The following B3GAT2 variants were observed in gnomAD, a reference collection of about 807,000 sequenced individuals.
B3GAT2 encodes the protein beta-1,3-glucuronyltransferase 2, also known as galactosylgalactosylxylosylprotein 3-beta-glucuronosyltransferase 2.
Under a neutral mutation model 27.8 loss-of-function variants are expected in B3GAT2, and 26 were observed. The observed-to-expected ratio is 0.93, with a 90% CI of 0.68 to 1.30. The LOEUF is 1.30. B3GAT2 is among the 50% of genes most tolerant of loss of function. The pLI is 0.00. For synonymous variants in B3GAT2, 218 were observed against 195.1 expected (o/e 1.12, Z -0.98); for missense variants, 458 against 459.0 (o/e 1.00, Z 0.02).
intron 1 of B3GAT2, among the ~76,000 whole-genome samples, chr6:70,933,776 G>A (rs949675630): frequency 2.0e-5 from 3 of 152,208 alleles, no homozygotes; most frequent in Non-Finnish European, 4.4e-5. Context: ...TACAGCCACA[G>A]TAGCTAGGTG....
chr6:70,885,300 TCA>T (rs1325178160), intron 2 of B3GAT2, among the ~76,000 whole-genome samples: 4 of 152,288 alleles, frequency 2.6e-5, no homozygotes, highest in African/African-American at 9.6e-5. Context: ...CAAGCGGCAC[TCA>T]CATGGCACCA....
rs1452014553 is a variant in B3GAT2 at position 70,860,229 on chromosome 6, C to T, written c.*1434G>A. 2 of 1,612,738 alleles carry T rather than the reference C, an allele frequency of 1.2e-6. No homozygotes were observed. Among genetic ancestry groups the T allele is most frequent in the African/African-American group, 1.3e-5 (1 of 74,854 alleles). On this transcript the variant is annotated 3_prime_UTR_variant, in exon 4 of 4. Transcript: ENST00000230053. ...ATCAGCAGATGGCTGGCATGAGTATCAGTAGTGCAACCCCTACTGCAGGTT... is the reference window on the plus strand; with the variant it reads ...ATCAGCAGATGGCTGGCATGAGTATTAGTAGTGCAACCCCTACTGCAGGTT...
At chr6:70,917,591 G>A (rs940285629) in intron 1 of B3GAT2, among the ~76,000 whole-genome samples, 6 of 152,092 alleles carry the variant, frequency 3.9e-5, no homozygotes, top group African/African-American at 7.2e-5. Flanking sequence ...ATTCTTGAAC[G>A]TTGTATCTTT....
At chr6:70,879,896 C>T (rs887918567) in intron 2 of B3GAT2, among the ~76,000 whole-genome samples, 12 of 152,002 alleles carry the variant, frequency 7.9e-5, no homozygotes, top group Non-Finnish European at 1.3e-4. Flanking sequence ...GAGCGAGGCT[C>T]GGGGGTGGGG....
chr6:70,907,322 T>C (rs1032685431), intron 1 of B3GAT2, among the ~76,000 whole-genome samples: 1 of 152,148 alleles, frequency 6.6e-6, no homozygotes, highest in Non-Finnish European at 1.5e-5. Context: ...CACATTGCCA[T>C]GTCTGGTTGT....
Position 70,956,057 on chromosome 6 carries a change from G to T in B3GAT2, c.373C>A (p.Leu125Met). 6.3e-7 allele frequency: 1 copy of T among 1,585,508 alleles called. No individual in the cohort carries two copies. Among genetic ancestry groups the T allele is most frequent in the Non-Finnish European group, 8.5e-7 (1 of 1,170,898 alleles). The change falls in exon 1 of 4, where the codon CTG becomes ATG. Residue 125 changes from leucine (L) to methionine (M), a missense_variant. Physicochemically the swap from Leu to Met is conservative, Grantham distance 15 (BLOSUM62 2). Transcript: ENST00000230053. ...GCCCGCGCCAGGAAGCGGCTCACCAGCTCGCTGCGCGCCGCCGCGTCCTCC... is the reference window on the plus strand; with the variant it reads ...GCCCGCGCCAGGAAGCGGCTCACCATCTCGCTGCGCGCCGCCGCGTCCTCC... ...LVEDAAARSE[L>M]VSRFLARAGL... is the part of the protein sequence containing the mutation.
intron 1 of B3GAT2, among the ~76,000 whole-genome samples, chr6:70,922,984 T>C (rs565255890): frequency 6.6e-6 from 1 of 152,306 alleles, no homozygotes; most frequent in South Asian, 2.1e-4. Flanking sequence ...TATAAATGGG[T>C]ATAACAACAT....
chr6:70,927,975 C>T (rs1488176850), intron 1 of B3GAT2, among the ~76,000 whole-genome samples: 1 of 151,964 alleles, frequency 6.6e-6, no homozygotes, highest in Non-Finnish European at 1.5e-5. Flanking sequence ...ACAGAAATCA[C>T]AACAAACTCT....
intron 1 of B3GAT2, among the ~76,000 whole-genome samples, chr6:70,925,375 T>C (rs1015986781): frequency 2.6e-5 from 4 of 151,620 alleles, no homozygotes; most frequent in Non-Finnish European, 2.9e-5. Flanking sequence ...GCACAAGGGG[T>C]CAGGGAATTC....
intron 1 of B3GAT2, among the ~76,000 whole-genome samples, chr6:70,895,110 C>A (rs1489346194): frequency 6.6e-6 from 1 of 152,194 alleles, no homozygotes; most frequent in Non-Finnish European, 1.5e-5. Flanking sequence ...AGACACACCC[C>A]ATGCTGGAGC....
chr6:70,926,294 G>A (rs1465252524), intron 1 of B3GAT2, among the ~76,000 whole-genome samples: 1 of 152,216 alleles, frequency 6.6e-6, no homozygotes, highest in Non-Finnish European at 1.5e-5. Flanking sequence ...CTCCTCGCCA[G>A]CAAAGGAAGA....
chr6:70,919,929 C>G (rs1409733920), intron 1 of B3GAT2, among the ~76,000 whole-genome samples: 1 of 152,188 alleles, frequency 6.6e-6, no homozygotes, highest in Non-Finnish European at 1.5e-5. Context: ...CCACTGCTTT[C>G]TTCAGAGCTG....
chr6:70,862,824 G>A (rs1180252361), intron 2 of B3GAT2, among the ~76,000 whole-genome samples: 1 of 151,932 alleles, frequency 6.6e-6, no homozygotes, highest in Non-Finnish European at 1.5e-5. Flanking sequence ...ACAAAAATTA[G>A]CTGGGTGTTG....
intron 1 of B3GAT2, among the ~76,000 whole-genome samples, chr6:70,922,180 G>GT (rs1358187998): frequency 1.3e-5 from 2 of 152,100 alleles, no homozygotes; most frequent in African/African-American, 4.8e-5. Context: ...AAAAATCTAA[G>GT]TGTATAGGCA....
chr6:70,860,681 CTAATAGTA>C lies in B3GAT2; in HGVS notation c.*974_*981del, dbSNP rs1771680458. The C allele has an allele frequency of 2.4e-6, 1 of 410,018 alleles. No homozygotes were observed. Among genetic ancestry groups the C allele is most frequent in the Non-Finnish European group, 4.3e-6 (1 of 232,492 alleles). 25.4% of individuals were successfully genotyped at this position (410,018 alleles called of 1,614,324 possible). A position where few individuals can be genotyped will look rare whatever the true frequency, so the allele number is the denominator to read the frequency against. The stretch of plus-strand genomic sequence containing the variant: ...AGTAGTTATCATGTTAGTAATACCT[CTAATAGTA>C]TAAACCCCACCCCAAAATTAGCCAG... On this transcript the variant is annotated 3_prime_UTR_variant, in exon 4 of 4. Coordinates refer to ENST00000230053, the MANE Select transcript of B3GAT2 (RefSeq NM_080742.3).
At chr6:70,879,687 G>A (rs918508732) in intron 2 of B3GAT2, among the ~76,000 whole-genome samples, 15 of 152,060 alleles carry the variant, frequency 9.9e-5, no homozygotes, top group African/African-American at 1.7e-4. Flanking sequence ...GGAAGGGTGC[G>A]GGTGCTATGT....
intron 1 of B3GAT2, among the ~76,000 whole-genome samples, chr6:70,951,004 C>T (rs1008319201): frequency 6.6e-6 from 1 of 152,102 alleles, no homozygotes; most frequent in Non-Finnish European, 1.5e-5. Flanking sequence ...ACCTATGCAT[C>T]TATCTATGTA....
In B3GAT2 at chr6:70,956,810, G is replaced by A; in HGVS notation, c.-381C>T. ...GAAGCCGAGAAGCGGCACCCGGTGCGCCTCGCCGCTCCAGTCCGGCGGTGC... is the reference window on the plus strand; with the variant it reads ...GAAGCCGAGAAGCGGCACCCGGTGCACCTCGCCGCTCCAGTCCGGCGGTGC... On this transcript the variant is annotated 5_prime_UTR_variant, in exon 1 of 4. Transcript: ENST00000230053. The A allele has an allele frequency of 9.3e-7, 1 of 1,071,340 alleles. No homozygotes were observed. Among genetic ancestry groups the A allele is most frequent in the Middle Eastern group, 4.4e-4 (1 of 2,270 alleles). 66.4% of individuals were successfully genotyped at this position (1,071,340 alleles called of 1,614,324 possible).
Position 70,859,124 on chromosome 6 carries a change from AT to A in B3GAT2, c.*2538del. 1 of 456,128 alleles carries A rather than the reference AT, an allele frequency of 2.2e-6. No homozygotes were observed. The highest frequency in any genetic ancestry group is 3.5e-5 in the South Asian group (1 of 28,190). The allele number at this position is 456,128 out of a possible 1,614,324, so 28.3% of individuals were successfully genotyped here. On this transcript the variant is annotated 3_prime_UTR_variant, in exon 4 of 4. Coordinates refer to ENST00000230053, the MANE Select transcript of B3GAT2 (RefSeq NM_080742.3). ...GGAATAGTCTAGAGTGATTTCTAAC[AT>A]TAGCACAATCACTATATATCACAGT...
Sources: allele counts gnomAD v4.1 joint callset (sites outside exome capture counted in the v4.1 genomes callset), GRCh38; gene constraint gnomAD v4.1.1; transcripts MANE v1.5; gene names NCBI Gene and HGNC (gene_info 2026-07-23, HGNC 2026-07-21).